The following EHBP1 variants were observed in gnomAD, a reference collection of about 807,000 sequenced individuals.
EHBP1 encodes the protein EH domain binding protein 1, also known as EH domain-binding protein 1.
A neutral mutation model predicts 144.0 loss-of-function variants in EHBP1; 55 were observed. The observed-to-expected ratio is 0.38, with a 90% CI of 0.31 to 0.48. The LOEUF (loss-of-function observed/expected upper bound fraction) is 0.48, where lower values mean the gene tolerates loss of function less well. EHBP1 is among the 20% of genes least tolerant of loss of function. The pLI, the probability that EHBP1 is intolerant of heterozygous loss-of-function variation, is 0.98. For synonymous variants in EHBP1, 469 were observed against 472.7 expected (o/e 0.99, Z 0.10); for missense variants, 1,200 against 1,364.2 (o/e 0.88, Z 1.90).
chr2:62,752,519 G>A (rs547766917), intron 3 of EHBP1, among the ~76,000 whole-genome samples: 4 of 152,130 alleles, frequency 2.6e-5, no homozygotes, highest in Middle Eastern at 3.4e-3. Flanking sequence ...GCTGAGTTCA[G>A]TTCCTGGATA....
intron 7 of EHBP1, among the ~76,000 whole-genome samples, chr2:62,856,971 T>C (rs2049111583): frequency 6.6e-6 from 1 of 152,156 alleles, no homozygotes; most frequent in African/African-American, 2.4e-5. Flanking sequence ...TGAGAACAAC[T>C]TGGCCCACTG....
At chr2:62,906,045 CTT>C (rs2152960361) in intron 10 of EHBP1, among the ~76,000 whole-genome samples, 1 of 151,884 alleles carries the variant, frequency 6.6e-6, no homozygotes, top group Non-Finnish European at 1.5e-5. Flanking sequence ...AAGATTTCCT[CTT>C]ATGTTTTCAT....
chr2:62,861,796 C>T (rs1403141227), intron 8 of EHBP1, among the ~76,000 whole-genome samples: 1 of 150,956 alleles, frequency 6.6e-6, no homozygotes, highest in African/African-American at 2.4e-5. Context: ...TCCTTTGTTG[C>T]CTATTCTAGC....
intron 15 of EHBP1, among the ~76,000 whole-genome samples, chr2:62,986,227 GA>G (rs1268817359): frequency 6.6e-6 from 1 of 152,178 alleles, no homozygotes; most frequent in Non-Finnish European, 1.5e-5. Context: ...TGAGGATAGT[GA>G]AATTGAAGAT....
At chr2:63,041,820 C>T (rs775817600) in intron 21 of EHBP1, among the ~76,000 whole-genome samples, 4 of 152,144 alleles carry the variant, frequency 2.6e-5, no homozygotes, top group Non-Finnish European at 5.9e-5. Flanking sequence ...TAATTTTCAT[C>T]AAAGTGCCAG....
chr2:62,731,354 A>C (rs1196605124), intron 2 of EHBP1, among the ~76,000 whole-genome samples: 1 of 152,166 alleles, frequency 6.6e-6, no homozygotes, highest in Non-Finnish European at 1.5e-5. Flanking sequence ...TATCACACGC[A>C]AACAAATACA....
At chr2:62,740,340 T>A (rs146325256) in intron 2 of EHBP1, among the ~76,000 whole-genome samples, 2 of 152,232 alleles carry the variant, frequency 1.3e-5, no homozygotes, top group Non-Finnish European at 2.9e-5. Context: ...CTTGTATTTG[T>A]ACAATTTTTT....
At chr2:62,839,583 C>G (rs1450269733) in intron 7 of EHBP1, among the ~76,000 whole-genome samples, 1 of 149,720 alleles carries the variant, frequency 6.7e-6, no homozygotes. Context: ...GATTGTATAT[C>G]TAGAAAACCC....
At chr2:62,727,803 G>C (rs574003398) in intron 2 of EHBP1, among the ~76,000 whole-genome samples, 2 of 152,276 alleles carry the variant, frequency 1.3e-5, no homozygotes, top group African/African-American at 4.8e-5. Flanking sequence ...TTGGCTCCCT[G>C]TATAATAAAA....
intron 14 of EHBP1, among the ~76,000 whole-genome samples, chr2:62,975,709 C>T (rs2058678120): frequency 6.6e-6 from 1 of 151,790 alleles, no homozygotes; most frequent in Admixed American, 6.6e-5. Context: ...CACAGGGAGA[C>T]CCTGTCTCTA....
intron 6 of EHBP1, among the ~76,000 whole-genome samples, chr2:62,827,792 C>T (rs552452837): frequency 2.6e-5 from 4 of 152,044 alleles, no homozygotes; most frequent in Admixed American, 2.0e-4. Flanking sequence ...CTCAGCCTCC[C>T]GAGTAGCTGG....
At chr2:63,003,977 T>C (rs2059938680) in intron 19 of EHBP1, among the ~76,000 whole-genome samples, 2 of 152,102 alleles carry the variant, frequency 1.3e-5, no homozygotes, top group Non-Finnish European at 2.9e-5. Flanking sequence ...TTAGAAATTA[T>C]TTAGGGACAT....
intron 10 of EHBP1, among the ~76,000 whole-genome samples, chr2:62,885,116 AC>A (rs2051815761): frequency 6.6e-6 from 1 of 152,214 alleles, no homozygotes; most frequent in Non-Finnish European, 1.5e-5. Context: ...ATGACAACTG[AC>A]TGCGGAGGTG....
At chr2:62,993,779 T>C in intron 17 of EHBP1, 92 bp from the exon 18 acceptor site, 1 of 976,440 alleles carries the variant, frequency 1.0e-6, no homozygotes, top group Non-Finnish European at 1.4e-6. Flanking sequence ...ATAGTATATA[T>C]GTATATAATC....
intron 10 of EHBP1, among the ~76,000 whole-genome samples, chr2:62,921,490 A>C (rs958399696): frequency 1.3e-5 from 2 of 152,076 alleles, no homozygotes; most frequent in Admixed American, 1.3e-4. Context: ...CCACAAAGAA[A>C]ATAACAAAAG....
At chr2:62,730,127 G>T (rs1386023143) in intron 2 of EHBP1, among the ~76,000 whole-genome samples, 1 of 152,036 alleles carries the variant, frequency 6.6e-6, no homozygotes, top group African/African-American at 2.4e-5. Flanking sequence ...GTTTTGAGCA[G>T]TTATGAATTT....
chr2:62,846,399 A>T (rs1458888187), intron 7 of EHBP1, among the ~76,000 whole-genome samples: 2 of 152,192 alleles, frequency 1.3e-5, no homozygotes, highest in African/African-American at 2.4e-5. Context: ...AAAGGAAAAA[A>T]ATTATATAGT....
chr2:62,725,873 T>A (rs1363552372), intron 2 of EHBP1, among the ~76,000 whole-genome samples: 6 of 152,124 alleles, frequency 3.9e-5, no homozygotes, highest in Admixed American at 3.9e-4. Context: ...TGCGTGGCTA[T>A]GAGAGCTGCC....
chr2:62,948,808 A>T lies in EHBP1; in HGVS notation c.1962A>T (p.Leu654=), dbSNP rs781661524. 41 of 1,614,200 alleles carry T rather than the reference A, an allele frequency of 2.5e-5. No individual in the cohort carries two copies. The South Asian group carries it at 4.3e-4, about 17-fold the overall frequency. The change falls in exon 13 of 23, where the codon CTA becomes CTT. Residue 654 remains leucine (L), a synonymous_variant. Coordinates refer to ENST00000431489, the MANE Select transcript of EHBP1 (RefSeq NM_001142616.3). The part of the protein sequence containing the change: ...QAQVLLGKKR[L]LKAETLELSD... ...AGGTTTTGTTAGGCAAAAAGAGACTATTGAAAGCTGAGACTTTAGAATTGA... is the reference window on the plus strand; with the variant it reads ...AGGTTTTGTTAGGCAAAAAGAGACTTTTGAAAGCTGAGACTTTAGAATTGA...
Sources: gnomAD v4.1 joint callset for allele counts (sites outside exome capture counted in the v4.1 genomes callset) on GRCh38, gnomAD v4.1.1 for gene constraint, MANE v1.5 for transcripts, NCBI Gene and HGNC (gene_info 2026-07-23, HGNC 2026-07-21) for gene names.